Variants in TC2N observed in about 807,000 individuals in gnomAD.
TC2N encodes tandem C2 domains, nuclear.
Under a neutral mutation model 61.9 loss-of-function variants are expected in TC2N, and 51 were observed. That is an observed-to-expected ratio of 0.82 (90% CI 0.66 to 1.04). The LOEUF (loss-of-function observed/expected upper bound fraction) is 1.04. TC2N is among the 50% of genes least tolerant of loss of function. TC2N has a pLI of 0.00. For synonymous variants in TC2N, 204 were observed against 192.6 expected, an observed-to-expected ratio of 1.06 and a Z score of -0.49; for missense variants, 556 against 566.7, an observed-to-expected ratio of 0.98 and a Z score of 0.19.
In TC2N at chr14:91,785,304, G is replaced by A; in HGVS notation, c.1220C>T (p.Thr407Ile). Residue 407 changes from threonine to isoleucine, a missense_variant, in exon 11 of 12, where the codon ACA becomes ATA. Transcript: ENST00000435962. ...SSGELIYKKK[T>I]RLLKASNGRV... ...TCCATTGGAGGCCTTCAGTAAGCGT[G>A]TCTTTTTCTTATAAATCAACTCTCC... 6.2e-7 allele frequency: 1 copy of A among 1,613,686 alleles called. No individual in the cohort carries two copies. The highest frequency in any genetic ancestry group is 8.5e-7 in the Non-Finnish European group (1 of 1,179,808).
chr14:91,796,966 T>C (rs1037376363), intron 8 of TC2N, among the ~76,000 whole-genome samples: 1 of 5,768 alleles, frequency 1.7e-4, no homozygotes, highest in Non-Finnish European at 6.5e-3. Flanking sequence ...GAGTATTTTA[T>C]ATATTTTTGT....
intron 1 of TC2N, among the ~76,000 whole-genome samples, chr14:91,830,081 A>G (rs565359991): frequency 6.6e-6 from 1 of 152,350 alleles, no homozygotes; most frequent in African/African-American, 2.4e-5. Context: ...TGGAACCCTC[A>G]TAAATTGCTT....
intron 1 of TC2N, among the ~76,000 whole-genome samples, chr14:91,843,854 G>A (rs1888210603): frequency 1.3e-5 from 2 of 151,820 alleles, no homozygotes; most frequent in African/African-American, 2.4e-5. Context: ...AGAAGTGGAG[G>A]GAGGGGCTCA....
At chr14:91,819,689 A>C (rs1887159893) in intron 1 of TC2N, among the ~76,000 whole-genome samples, 1 of 152,192 alleles carries the variant, frequency 6.6e-6, no homozygotes, top group South Asian at 2.1e-4. Flanking sequence ...TAAAGCTTAG[A>C]CAAAAAAATT....
At chr14:91,838,603 A>T (rs1277330784) in intron 1 of TC2N, among the ~76,000 whole-genome samples, 1 of 152,246 alleles carries the variant, frequency 6.6e-6, no homozygotes, top group African/African-American at 2.4e-5. Context: ...TGAATGAATG[A>T]AGGAGGAATG....
chr14:91,859,191 C>A (rs1888542859), intron 1 of TC2N, among the ~76,000 whole-genome samples: 1 of 152,152 alleles, frequency 6.6e-6, no homozygotes, highest in Admixed American at 6.5e-5. Flanking sequence ...CTTCACAATA[C>A]CTTCACCCAA....
rs888680391 is a variant in TC2N, at chr14:91,781,646, T to C, written c.*1454A>G. ...ACAGGTGATTTATCTTAAAAATCCA[T>C]GTGAGTACTGACCTATATGTCATTT... On this transcript the variant is annotated 3_prime_UTR_variant, in exon 12 of 12. Transcript: ENST00000435962. 4.6e-5 allele frequency: 7 copies of C among 152,146 alleles called. No homozygotes were observed. The highest frequency in any genetic ancestry group is 1.4e-4 in the African/African-American group (6 of 41,456). 9.4% of individuals were successfully genotyped at this position (152,146 alleles called of 1,614,324 possible). A position where few individuals can be genotyped will look rare whatever the true frequency, so the allele number is the denominator to read the frequency against.
intron 4 of TC2N, among the ~76,000 whole-genome samples, chr14:91,801,042 A>C (rs1169323469): frequency 6.7e-6 from 1 of 150,070 alleles, no homozygotes; most frequent in African/African-American, 2.5e-5. Context: ...ATATGTATAC[A>C]TATATACATA....
intron 1 of TC2N, among the ~76,000 whole-genome samples, chr14:91,851,409 C>T (rs942877127): frequency 6.6e-6 from 1 of 152,134 alleles, no homozygotes; most frequent in Non-Finnish European, 1.5e-5. Context: ...ACCTCTCCAA[C>T]CTTTCTTTGG....
intron 1 of TC2N, among the ~76,000 whole-genome samples, chr14:91,846,335 C>G (rs1204041025): frequency 6.6e-6 from 1 of 152,092 alleles, no homozygotes; most frequent in Non-Finnish European, 1.5e-5. Context: ...AGGTAGAGTT[C>G]ATCGTGGAGA....
intron 1 of TC2N, among the ~76,000 whole-genome samples, chr14:91,823,958 A>G (rs1055354169): frequency 2.0e-5 from 3 of 152,242 alleles, no homozygotes; most frequent in Non-Finnish European, 2.9e-5. Context: ...AGTAATGCAC[A>G]TAAAGTATAA....
intron 1 of TC2N, among the ~76,000 whole-genome samples, chr14:91,825,346 C>T (rs1431539170): frequency 6.6e-6 from 1 of 151,854 alleles, no homozygotes; most frequent in East Asian, 1.9e-4. Flanking sequence ...TTGTAATTTT[C>T]ACACCTTCCT....
chr14:91,818,074 G>A (rs1887083219), intron 1 of TC2N, among the ~76,000 whole-genome samples: 1 of 152,042 alleles, frequency 6.6e-6, no homozygotes, highest in Admixed American at 6.6e-5. Flanking sequence ...CTCCCTTGAG[G>A]GAGTTTCCAG....
At chr14:91,813,918 C>T (rs1595248172) in intron 1 of TC2N, 93 bp from the exon 2 acceptor site, 1 of 450,596 alleles carries the variant, frequency 2.2e-6, no homozygotes, top group East Asian at 3.3e-5. Context: ...CTTTCTAAGA[C>T]ATAATGAGGA....
intron 1 of TC2N, among the ~76,000 whole-genome samples, chr14:91,845,990 T>C (rs1372696398): frequency 1.3e-5 from 2 of 152,236 alleles, no homozygotes; most frequent in Non-Finnish European, 2.9e-5. Context: ...AATTGCTGGC[T>C]AGTCTATGGT....
chr14:91,839,681 G>C (rs1026286678), intron 1 of TC2N, among the ~76,000 whole-genome samples: 1 of 152,168 alleles, frequency 6.6e-6, no homozygotes, highest in Non-Finnish European at 1.5e-5. Context: ...TACATTGGGG[G>C]TACCAGACAG....
chr14:91,800,173 A>T (rs1886149754), intron 5 of TC2N, 108 bp downstream of exon 5: 1 of 558,962 alleles, frequency 1.8e-6, no homozygotes, highest in Admixed American at 3.5e-5. Flanking sequence ...CAGAACAGAT[A>T]CATCTACAAA....
intron 1 of TC2N, among the ~76,000 whole-genome samples, chr14:91,857,494 G>A (rs1453853185): frequency 1.3e-5 from 2 of 152,168 alleles, no homozygotes; most frequent in East Asian, 3.8e-4. Flanking sequence ...GGCACCTGCT[G>A]CTTTCTCAGA....
In TC2N at chr14:91,813,758, T is replaced by A; in HGVS notation, c.12A>T (p.Glu4Asp). 6.2e-7 allele frequency: 1 copy of A among 1,608,878 alleles called. No homozygotes were observed. MAT[E>D]FIKSCCGGCF... is the part of the protein sequence containing the mutation. Reference sequence around the variant, plus strand: ...ATCCTCCACAGCAACTCTTTATAAATTCTGTTGCCATTACATTCAATTTCC... The same window carrying A: ...ATCCTCCACAGCAACTCTTTATAAAATCTGTTGCCATTACATTCAATTTCC... Residue 4 changes from glutamate to aspartate, a missense_variant, in exon 2 of 12, where the codon GAA becomes GAT. Glu to Asp is a conservative substitution (Grantham distance 45, BLOSUM62 2). Transcript: ENST00000435962.
Sources: gnomAD v4.1 joint callset for allele counts (sites outside exome capture counted in the v4.1 genomes callset) on GRCh38, gnomAD v4.1.1 for gene constraint, MANE v1.5 for transcripts, NCBI Gene and HGNC (gene_info 2026-07-23, HGNC 2026-07-21) for gene names.